Variants in MYT1L observed in about 807,000 individuals in gnomAD.
MYT1L encodes myelin transcription factor 1 like.
In MYT1L, 12 loss-of-function variants were observed where a neutral mutation model predicts 126.7. The ratio of observed to expected loss-of-function variants is 0.09; its 90% CI spans 0.06 to 0.15. The LOEUF is 0.15. MYT1L is among the 10% of genes least tolerant of loss of function. MYT1L has a pLI of 1.00. For missense variants in MYT1L, 979 were observed against 1,585.2 expected (o/e 0.62, Z 6.49); for synonymous variants, 541 against 604.2 (o/e 0.90, Z 1.53).
chr2:1,833,712 T>C (rs1284091752), intron 21 of MYT1L, among the ~76,000 whole-genome samples: 1 of 152,204 alleles, frequency 6.6e-6, no homozygotes, highest in Non-Finnish European at 1.5e-5. Flanking sequence ...GGATGGGGCC[T>C]TGACTTTTCA....
chr2:1,943,083 A>C lies in MYT1L; in HGVS notation c.404T>G (p.Ile135Ser). 3 of 1,426,448 alleles carry C rather than the reference A, an allele frequency of 2.1e-6. No individual in the cohort carries two copies. Among genetic ancestry groups the C allele is most frequent in the African/African-American group, 1.5e-5 (1 of 67,048 alleles). The allele number at this position is 1,426,448 out of a possible 1,614,324, so 88.4% of individuals were successfully genotyped here. ...EEGDREEEEE[I>S]EEEDEDDDED... is the part of the protein sequence containing the mutation. Reference sequence around the variant, plus strand: ...GTCATCGTCCTCATCCTCCTCCTCGATCTCCTCCTCCTCCTCCCGGTCCCC... The same window carrying C: ...GTCATCGTCCTCATCCTCCTCCTCGCTCTCCTCCTCCTCCTCCCGGTCCCC... The change falls in exon 9 of 25, where the codon ATC becomes AGC. Residue 135 changes from isoleucine to serine, a missense_variant. Transcript: ENST00000647738. This position sits in a 1 kb window ranked among gnomAD's most constrained non-coding sequence, Gnocchi z 4.4.
chr2:2,159,236 T>C (rs2087365701), intron 3 of MYT1L, among the ~76,000 whole-genome samples: 1 of 152,134 alleles, frequency 6.6e-6, no homozygotes, highest in Non-Finnish European at 1.5e-5. Context: ...GGCAGCATAC[T>C]AGGCAATCCT....
intron 2 of MYT1L, among the ~76,000 whole-genome samples, chr2:2,234,008 A>G (rs974050661): frequency 3.3e-5 from 5 of 152,226 alleles, no homozygotes; most frequent in African/African-American, 1.2e-4. Context: ...AGATAAGTCC[A>G]TGCTTGTTTT....
At chr2:1,964,480 A>G (rs907476850) in intron 8 of MYT1L, among the ~76,000 whole-genome samples, 3 of 152,208 alleles carry the variant, frequency 2.0e-5, no homozygotes, top group Admixed American at 1.3e-4. Context: ...TTCACTGCAA[A>G]CTGCAATAAA....
intron 23 of MYT1L, chr2:1,795,423 C>T (rs908372396): frequency 6.6e-6 from 1 of 152,484 alleles, no homozygotes; most frequent in Non-Finnish European, 1.5e-5. Context: ...AGGGGCTCCG[C>T]CCAGGCCCTC....
chr2:1,864,849 G>C (rs943536075), intron 18 of MYT1L, among the ~76,000 whole-genome samples: 1 of 152,224 alleles, frequency 6.6e-6, no homozygotes, highest in South Asian at 2.1e-4. Context: ...GGCTCGCAGA[G>C]CTGGTGAAGG....
At chr2:1,955,050 G>T (rs2058220731) in intron 8 of MYT1L, among the ~76,000 whole-genome samples, 1 of 151,928 alleles carries the variant, frequency 6.6e-6, no homozygotes, top group African/African-American at 2.4e-5. Flanking sequence ...TACTCAGGAG[G>T]CTGAGGCAGG....
intron 8 of MYT1L, among the ~76,000 whole-genome samples, chr2:1,952,041 C>T (rs1467385010): frequency 6.6e-6 from 1 of 152,150 alleles, no homozygotes; most frequent in Non-Finnish European, 1.5e-5. Flanking sequence ...TATATTTTAA[C>T]ATTTTTTAAA....
At chr2:2,261,339 G>A (rs1040045731) in intron 2 of MYT1L, among the ~76,000 whole-genome samples, 1 of 152,138 alleles carries the variant, frequency 6.6e-6, no homozygotes, top group African/African-American at 2.4e-5. Flanking sequence ...TCTGATTACA[G>A]TCTTTTAGAC....
chr2:1,987,708 T>A (rs1443358791), intron 5 of MYT1L, among the ~76,000 whole-genome samples: 1 of 152,032 alleles, frequency 6.6e-6, no homozygotes, highest in African/African-American at 2.4e-5. Context: ...GATGACTGAG[T>A]CTAAGAGAAA....
intron 21 of MYT1L, chr2:1,824,975 C>G (rs924185560): frequency 6.6e-6 from 1 of 152,358 alleles, no homozygotes; most frequent in African/African-American, 2.4e-5. Context: ...CATCAGGTAG[C>G]GGTGGAGGAA....
chr2:2,318,014 A>AT (rs887897789), intron 1 of MYT1L, among the ~76,000 whole-genome samples: 1 of 152,180 alleles, frequency 6.6e-6, no homozygotes, highest in Non-Finnish European at 1.5e-5. Context: ...ATGTGTGAAA[A>AT]TCGTTTACTG....
intron 2 of MYT1L, among the ~76,000 whole-genome samples, chr2:2,197,758 C>T (rs1187763070): frequency 1.3e-5 from 2 of 151,436 alleles, no homozygotes; most frequent in Non-Finnish European, 2.9e-5. Context: ...CATGCACACA[C>T]ACACACAATG....
intron 3 of MYT1L, among the ~76,000 whole-genome samples, chr2:2,064,976 A>G (rs959421995): frequency 6.6e-6 from 1 of 152,186 alleles, no homozygotes; most frequent in East Asian, 1.9e-4. Flanking sequence ...AGTTGGGAAG[A>G]TCACTTGAGA....
chr2:1,830,656 C>A (rs2040026659), intron 21 of MYT1L, among the ~76,000 whole-genome samples: 1 of 152,154 alleles, frequency 6.6e-6, no homozygotes, highest in African/African-American at 2.4e-5. Flanking sequence ...GTGTGAAACA[C>A]CATGGGGATG....
chr2:2,094,299 G>A (rs528622452), intron 3 of MYT1L, among the ~76,000 whole-genome samples: 40 of 152,304 alleles, frequency 2.6e-4, no homozygotes, highest in African/African-American at 9.6e-4. Context: ...GGAGAAATAG[G>A]AACACTTTTA....
chr2:2,168,841 C>A (rs909305912), intron 3 of MYT1L, among the ~76,000 whole-genome samples: 1 of 152,182 alleles, frequency 6.6e-6, no homozygotes, highest in African/African-American at 2.4e-5. Flanking sequence ...AGACCCAACT[C>A]AAAACTTTCT....
chr2:2,159,601 G>C (rs1357018324), intron 3 of MYT1L, among the ~76,000 whole-genome samples: 1 of 152,078 alleles, frequency 6.6e-6, no homozygotes. Context: ...CCGACTAGGA[G>C]GTGGCCGATG....
chr2:2,188,232 G>A (rs569973281), intron 2 of MYT1L, among the ~76,000 whole-genome samples: 14 of 152,266 alleles, frequency 9.2e-5, no homozygotes, highest in African/African-American at 3.1e-4. Context: ...ATTACCGAAA[G>A]TTAATGGTAA....
Sources: allele counts gnomAD v4.1 joint callset (sites outside exome capture counted in the v4.1 genomes callset), GRCh38; gene constraint gnomAD v4.1.1; non-coding constraint Gnocchi (gnomAD v3.1); transcripts MANE v1.5; gene names NCBI Gene and HGNC (gene_info 2026-07-23, HGNC 2026-07-21).